COL27A1: variants seen among roughly 807,000 people sequenced by gnomAD.
COL27A1 encodes the protein collagen type XXVII alpha 1 chain.
In COL27A1, 106 loss-of-function variants were observed where a neutral mutation model predicts 251.3. That is an observed-to-expected ratio of 0.42 (90% confidence interval 0.36 to 0.50). The LOEUF (loss-of-function observed/expected upper bound fraction) is 0.50, where lower values mean the gene tolerates loss of function less well. COL27A1 is among the 20% of genes least tolerant of loss of function. COL27A1 has a pLI of 0.00. For synonymous variants in COL27A1, 1,000 were observed against 986.3 expected (o/e 1.01, Z -0.26); for missense variants, 2,325 against 2,522.8 (o/e 0.92, Z 1.68).
intron 49 of COL27A1, among the ~76,000 whole-genome samples, chr9:114,297,185 T>A (rs1828312696): frequency 1.3e-5 from 2 of 152,184 alleles, no homozygotes; most frequent in South Asian, 4.1e-4. Context: ...GATTATACAA[T>A]TTAAATAGTA....
At chr9:114,258,077 A>G (rs1018927796) in intron 27 of COL27A1, among the ~76,000 whole-genome samples, 4 of 152,152 alleles carry the variant, frequency 2.6e-5, no homozygotes, top group Admixed American at 6.5e-5. Context: ...CATGCCTGCA[A>G]TCCTAGCTAC....
chr9:114,282,473 A>G lies in COL27A1; in HGVS notation c.3788A>G (p.Gln1263Arg). ...CTGTTGCAGGGTGCCAAGGGCTATC[A>G]AGGACAGCTGGGTGAGATGGGCGTC... ...RTGAKGAKGY[Q>R]GQLGEMGVPG... is the part of the protein sequence containing the mutation. The change falls in exon 39 of 61, where the codon CAA becomes CGA. Residue 1263 changes from glutamine to arginine, a missense_variant. This residue lies in a region of COL27A1 where 662 missense variants were observed against 795.3 expected (regional missense o/e 0.83). Coordinates refer to ENST00000356083, the MANE Select transcript of COL27A1 (RefSeq NM_032888.4). 1 of 1,600,156 alleles carries G rather than the reference A, an allele frequency of 6.2e-7. No homozygotes were observed. Among genetic ancestry groups the G allele is most frequent in the Non-Finnish European group, 8.5e-7 (1 of 1,173,696 alleles).
intron 15 of COL27A1, among the ~76,000 whole-genome samples, chr9:114,231,439 A>G (rs952621947): frequency 6.6e-6 from 1 of 152,170 alleles, no homozygotes; most frequent in Non-Finnish European, 1.5e-5. Flanking sequence ...AGAAACTACC[A>G]TGGCAAACCA....
chr9:114,212,238 G>A (rs1376014380), intron 12 of COL27A1, among the ~76,000 whole-genome samples: 1 of 152,206 alleles, frequency 6.6e-6, no homozygotes, highest in Non-Finnish European at 1.5e-5. Flanking sequence ...GATGCTCCCA[G>A]CTTCAGGGCA....
intron 36 of COL27A1, 125 bp from the exon 37 acceptor site, chr9:114,275,536 A>G (rs1006193941): frequency 9.6e-6 from 6 of 624,140 alleles, no homozygotes; most frequent in Non-Finnish European, 1.7e-5. Flanking sequence ...AGAGGGAACT[A>G]TCGAGAATCT....
intron 39 of COL27A1, 61 bp from the exon 40 acceptor site, chr9:114,283,648 C>T: frequency 6.6e-7 from 1 of 1,504,020 alleles, no homozygotes; most frequent in South Asian, 1.1e-5. Context: ...TGCAGGGAGA[C>T]TGCTGTGTCC....
At chr9:114,182,966 G>C (rs370836631) in intron 4 of COL27A1, 56 bp from the exon 5 acceptor site, 2 of 1,483,670 alleles carry the variant, frequency 1.3e-6, no homozygotes, top group Non-Finnish European at 9.4e-7. Context: ...TGTCAGAGGC[G>C]AGATGGCCCC....
At chr9:114,270,582 C>T in intron 35 of COL27A1, 146 bp from the exon 36 acceptor site, 1 of 624,074 alleles carries the variant, frequency 1.6e-6, no homozygotes, top group Non-Finnish European at 2.8e-6. Flanking sequence ...CTACCATGCA[C>T]CCACTGTGTG....
At chr9:114,223,717 T>G (rs1564489409) in intron 14 of COL27A1, among the ~76,000 whole-genome samples, 1 of 152,190 alleles carries the variant, frequency 6.6e-6, no homozygotes, top group Admixed American at 6.5e-5. Context: ...ACTCATGTAA[T>G]CACAATCCTG....
In COL27A1 at chr9:114,309,319, G is replaced by A; in HGVS notation, c.5277G>A (p.Val1759=). 6.2e-7 allele frequency: 1 copy of A among 1,614,142 alleles called. No individual in the cohort carries two copies. Among genetic ancestry groups the A allele is most frequent in the Non-Finnish European group, 8.5e-7 (1 of 1,180,036 alleles). The change falls in exon 60 of 61, where the codon GTG becomes GTA. Residue 1759 remains valine, a synonymous_variant. Coordinates refer to ENST00000356083, the MANE Select transcript of COL27A1 (RefSeq NM_032888.4). ...MNFLHLLSSE[V]TQHITIHCLN... ...TCCTGCACCTGCTAAGCTCCGAGGTGACCCAGCACATCACCATCCACTGCC... is the reference window on the plus strand; with the variant it reads ...TCCTGCACCTGCTAAGCTCCGAGGTAACCCAGCACATCACCATCCACTGCC...
Position 114,186,263 on chromosome 9 carries a change from A to G in COL27A1, c.2016+3188A>G, listed in dbSNP as rs568544862. On this transcript the variant is annotated intron_variant, in intron 5 of 60. Coordinates refer to ENST00000356083, the MANE Select transcript of COL27A1 (RefSeq NM_032888.4). ...GCACAGAGTTGGATCCAGGACTTTGAGAATGAGGCAGAGAAGCTAGGACCC... is the reference window on the plus strand; with the variant it reads ...GCACAGAGTTGGATCCAGGACTTTGGGAATGAGGCAGAGAAGCTAGGACCC... 5.3e-5 allele frequency among the ~76,000 whole-genome samples: 8 copies of G among 152,356 alleles called. No individual in the cohort carries two copies. In the East Asian group the frequency reaches 1.5e-3, roughly 29 times the overall value.
rs1378954741 is a variant in COL27A1 at position 114,265,090 on chromosome 9, T to C, written c.3319T>C (p.Leu1107=). 7 of 1,600,956 alleles carry C rather than the reference T, an allele frequency of 4.4e-6. No homozygotes were observed. Among genetic ancestry groups the C allele is most frequent in the East Asian group, 2.3e-5 (1 of 43,750 alleles). ...QQGVAGERGH[L]GSRGFPGIPG... ...GGGTGTGGCTGGTGAGCGAGGCCAC[T>C]TGGGCTCGAGAGGCTTTCCTGTAAG... Residue 1107 remains leucine, a synonymous_variant, in exon 31 of 61, where the codon TTG becomes CTG. Transcript: ENST00000356083.
chr9:114,177,776 C>T (rs1263597407), intron 3 of COL27A1, among the ~76,000 whole-genome samples: 1 of 152,180 alleles, frequency 6.6e-6, no homozygotes, highest in African/African-American at 2.4e-5. Context: ...GGCAGAGATA[C>T]TTGGTGTGAC....
At chr9:114,182,884 A>G in intron 4 of COL27A1, 138 bp from the exon 5 acceptor site, 1 of 746,048 alleles carries the variant, frequency 1.3e-6, no homozygotes, top group Non-Finnish European at 2.3e-6. Flanking sequence ...CTGAGTGGCC[A>G]CGACAGTGTT....
At chr9:114,211,501 C>T (rs1459612395) in intron 12 of COL27A1, among the ~76,000 whole-genome samples, 1 of 152,240 alleles carries the variant, frequency 6.6e-6, no homozygotes, top group Non-Finnish European at 1.5e-5. Context: ...CCACAGCAGG[C>T]ATGACCGAAA....
At chr9:114,277,134 C>T (rs1396052102) in intron 37 of COL27A1, among the ~76,000 whole-genome samples, 1 of 152,154 alleles carries the variant, frequency 6.6e-6, no homozygotes, top group Non-Finnish European at 1.5e-5. Flanking sequence ...GTCGCAAATA[C>T]TGGACTGATG....
rs749801104 is a variant in COL27A1, at chr9:114,231,084, C to G, written c.2472C>G (p.Asp824Glu). The G allele has an allele frequency of 6.2e-7, 1 of 1,613,190 alleles. No individual in the cohort carries two copies. Among genetic ancestry groups the G allele is most frequent in the South Asian group, 1.1e-5 (1 of 90,702 alleles). Residue 824 changes from aspartate to glutamate, a missense_variant, in exon 15 of 61, where the codon GAC becomes GAG. Coordinates refer to ENST00000356083, the MANE Select transcript of COL27A1 (RefSeq NM_032888.4). ...GPPGVPGLIG[D>E]LGVLGPIGYP... The stretch of plus-strand genomic sequence containing the variant: ...TTCTCTTTCTCTCCCCACAGGGTGA[C>G]TTAGGAGTGTTGGGTCCGATTGGCT...
intron 3 of COL27A1, 49 bp from the exon 4 acceptor site, chr9:114,178,242 C>T (rs1305898451): frequency 2.0e-6 from 3 of 1,508,178 alleles, no homozygotes; most frequent in Non-Finnish European, 2.8e-6. Flanking sequence ...AGCCCATTCT[C>T]TGCTGCCAGT....
At chr9:114,199,704 T>G (rs1479147713) in intron 7 of COL27A1, among the ~76,000 whole-genome samples, 3 of 152,190 alleles carry the variant, frequency 2.0e-5, no homozygotes, top group Non-Finnish European at 4.4e-5. Context: ...TTTGGGCTAG[T>G]GGGCAACCCA....
Sources: gnomAD v4.1 joint callset for allele counts (sites outside exome capture counted in the v4.1 genomes callset) on GRCh38, gnomAD v4.1.1 for gene constraint, gnomAD v4.1.1 regional missense constraint, MANE v1.5 for transcripts, NCBI Gene and HGNC (gene_info 2026-07-23, HGNC 2026-07-21) for gene names.